CAP2: variants seen among roughly 807,000 people sequenced by gnomAD.
CAP2 encodes adenylyl cyclase-associated protein 2.
Under a neutral mutation model 57.7 loss-of-function variants are expected in CAP2, and 24 were observed. The ratio of observed to expected loss-of-function variants is 0.42; its 90% confidence interval spans 0.30 to 0.58. The LOEUF (loss-of-function observed/expected upper bound fraction) is 0.58. Among genes scored for constraint, CAP2 ranks in the 20% least tolerant of loss-of-function variants. CAP2 has a pLI of 0.22. For synonymous variants in CAP2, 194 were observed against 207.2 expected, an observed-to-expected ratio of 0.94 and a Z score of 0.55; for missense variants, 501 against 590.3, an observed-to-expected ratio of 0.85 and a Z score of 1.57.
chr6:17,443,334 T>C (rs1013292681), intron 3 of CAP2, among the ~76,000 whole-genome samples: 4 of 152,164 alleles, frequency 2.6e-5, no homozygotes, highest in Admixed American at 2.0e-4. Context: ...GCAGAATATA[T>C]GTTCTTTGTC....
chr6:17,492,399 G>C (rs1192976084), intron 4 of CAP2, among the ~76,000 whole-genome samples: 2 of 152,166 alleles, frequency 1.3e-5, no homozygotes, highest in Non-Finnish European at 1.5e-5. Context: ...GGCACCAGAG[G>C]GTCTAGCAGG....
intron 7 of CAP2, among the ~76,000 whole-genome samples, chr6:17,519,701 T>G (rs1762348645): frequency 6.6e-6 from 1 of 152,220 alleles, no homozygotes; most frequent in Non-Finnish European, 1.5e-5. Context: ...TGGCATTTCC[T>G]TCAAATCAGA....
chr6:17,481,835 G>A (rs1000598611), intron 4 of CAP2, among the ~76,000 whole-genome samples: 4 of 152,100 alleles, frequency 2.6e-5, no homozygotes, highest in Non-Finnish European at 5.9e-5. Context: ...AAAGTCTAAG[G>A]AGAGAAATCT....
intron 7 of CAP2, among the ~76,000 whole-genome samples, chr6:17,527,597 C>CTTTTTTTT (rs10668941): frequency 2.0e-4 from 26 of 131,204 alleles, no homozygotes; most frequent in South Asian, 6.9e-4. Flanking sequence ...TGTTCTCTTT[C>CTTTTTTTT]TTTTTTTTTT....
chr6:17,403,770 G>T (rs1273041102), intron 1 of CAP2, among the ~76,000 whole-genome samples: 1 of 152,156 alleles, frequency 6.6e-6, no homozygotes, highest in Non-Finnish European at 1.5e-5. Context: ...GGAGAAAATG[G>T]AATTATGCAA....
At chr6:17,421,533 A>G in intron 1 of CAP2, 22 bp from the exon 2 acceptor site, 1 of 1,614,104 alleles carries the variant, frequency 6.2e-7, no homozygotes, top group South Asian at 1.1e-5. Context: ...CGCAGCCTCC[A>G]TTTGTGCCTG....
chr6:17,524,176 T>C (rs942182878), intron 7 of CAP2, among the ~76,000 whole-genome samples: 17 of 152,296 alleles, frequency 1.1e-4, no homozygotes, highest in African/African-American at 4.1e-4. Context: ...TTCTTATGGC[T>C]TCAATTTCTG....
chr6:17,499,085 T>C (rs1240753202), intron 4 of CAP2, among the ~76,000 whole-genome samples: 2 of 151,656 alleles, frequency 1.3e-5, no homozygotes, highest in Non-Finnish European at 2.9e-5. Context: ...AATGAGATTG[T>C]TGAAAGATTA....
chr6:17,435,700 AAAAAG>A (rs1405737106), intron 3 of CAP2, among the ~76,000 whole-genome samples: 1 of 147,316 alleles, frequency 6.8e-6, no homozygotes. Flanking sequence ...AAAAAAAAAA[AAAAAG>A]AAGTTTACGG....
chr6:17,517,393 G>T (rs955363962), intron 7 of CAP2, among the ~76,000 whole-genome samples: 4 of 152,182 alleles, frequency 2.6e-5, no homozygotes, highest in African/African-American at 7.2e-5. Flanking sequence ...AAAGAGAATT[G>T]ATTATTAATT....
chr6:17,435,717 TAAAA>T (rs1187314233), intron 3 of CAP2, among the ~76,000 whole-genome samples: 21 of 77,854 alleles, frequency 2.7e-4, no homozygotes, highest in African/African-American at 9.4e-4. Context: ...AGTTTACGGA[TAAAA>T]AAAAAAAAAA....
chr6:17,554,109 G>A (rs963303371), intron 12 of CAP2, among the ~76,000 whole-genome samples: 1 of 152,080 alleles, frequency 6.6e-6, no homozygotes, highest in African/African-American at 2.4e-5. Context: ...TTATTTATTT[G>A]TTTGTTTGTT....
chr6:17,471,830 CAA>C (rs10546732), intron 4 of CAP2, among the ~76,000 whole-genome samples: 22,579 of 134,912 alleles, frequency 0.17, 5,588 homozygotes, highest in African/African-American at 0.54. Flanking sequence ...GACTCCGTCT[CAA>C]AAAAAAAAAA....
At chr6:17,409,673 A>G (rs1351435441) in intron 1 of CAP2, among the ~76,000 whole-genome samples, 2 of 152,000 alleles carry the variant, frequency 1.3e-5, no homozygotes, top group East Asian at 1.9e-4. Flanking sequence ...TTAGGTCCCT[A>G]CTCGTAACTG....
At chr6:17,551,845 G>T (rs1299530537) in intron 12 of CAP2, among the ~76,000 whole-genome samples, 1 of 152,122 alleles carries the variant, frequency 6.6e-6, no homozygotes, top group South Asian at 2.1e-4. Flanking sequence ...ATGGACCAGC[G>T]TTTATCAAAT....
intron 1 of CAP2, among the ~76,000 whole-genome samples, chr6:17,403,474 G>C (rs547352938): frequency 5.1e-4 from 78 of 152,338 alleles, no homozygotes; most frequent in Admixed American, 1.3e-3. Context: ...GTGTTCAAAA[G>C]AGAGAGATTT....
chr6:17,411,029 T>C (rs934792392), intron 1 of CAP2, among the ~76,000 whole-genome samples: 1 of 147,198 alleles, frequency 6.8e-6, no homozygotes, highest in African/African-American at 2.4e-5. Context: ...ATATTTCTTA[T>C]AAATGGAATC....
chr6:17,419,358 A>G (rs1476900227), intron 1 of CAP2, among the ~76,000 whole-genome samples: 4 of 152,160 alleles, frequency 2.6e-5, no homozygotes, highest in East Asian at 1.9e-4. Flanking sequence ...TTTTGCTCAG[A>G]GTGATGCTTG....
At chr6:17,408,189 A>G (rs1253176317) in intron 1 of CAP2, among the ~76,000 whole-genome samples, 1 of 149,402 alleles carries the variant, frequency 6.7e-6, no homozygotes, top group East Asian at 1.9e-4. Flanking sequence ...AGGCTGTACA[A>G]GAAACATCTG....
Sources: allele counts gnomAD v4.1 joint callset (sites outside exome capture counted in the v4.1 genomes callset), GRCh38; gene constraint gnomAD v4.1.1; transcripts MANE v1.5; gene names NCBI Gene and HGNC (gene_info 2026-07-23, HGNC 2026-07-21).